Variants in CDK17 observed in about 807,000 individuals in gnomAD.
CDK17 encodes the protein cyclin dependent kinase 17, also known as cyclin-dependent kinase 17.
A neutral mutation model predicts 77.6 loss-of-function variants in CDK17; 24 were observed. That is an observed-to-expected ratio of 0.31 (90% CI 0.22 to 0.44). The LOEUF (loss-of-function observed/expected upper bound fraction) is 0.44, where lower values mean the gene tolerates loss of function less well. CDK17 is among the 20% of genes least tolerant of loss of function. CDK17 has a pLI of 1.00. For synonymous variants in CDK17, 203 were observed against 210.4 expected (o/e 0.96, Z 0.30); for missense variants, 429 against 622.5 (o/e 0.69, Z 3.31).
At chr12:96,326,331 C>T (rs535966018) in intron 2 of CDK17, among the ~76,000 whole-genome samples, 20 of 152,182 alleles carry the variant, frequency 1.3e-4, no homozygotes, top group Non-Finnish European at 2.6e-4. Flanking sequence ...GACACACACA[C>T]GAAGTCAGGT....
chr12:96,351,284 A>G (rs972194539), intron 1 of CDK17, among the ~76,000 whole-genome samples: 1 of 149,986 alleles, frequency 6.7e-6, no homozygotes, highest in Non-Finnish European at 1.5e-5. Flanking sequence ...CAGAATAATC[A>G]TATGACCCAG....
At chr12:96,323,364 G>C (rs1341671957) in intron 3 of CDK17, among the ~76,000 whole-genome samples, 1 of 152,092 alleles carries the variant, frequency 6.6e-6, no homozygotes, top group East Asian at 1.9e-4. Flanking sequence ...GCTGAGGTGG[G>C]AGGATCATTT....
Position 96,400,065 on chromosome 12 carries a change from G to A in CDK17, c.-109C>T. ...AAGCTGCTCCGCGGACGCCCGCGGC[G>A]ACCGGATGCAAGTCCGGGTCTCAGC... On this transcript the variant is annotated 5_prime_UTR_variant, in exon 1 of 17. Transcript: ENST00000261211. The A allele has an allele frequency of 2.6e-6, 1 of 389,168 alleles. No individual in the cohort carries two copies. Among genetic ancestry groups the A allele is most frequent in the Non-Finnish European group, 4.5e-6 (1 of 220,252 alleles). 24.1% of individuals were successfully genotyped at this position (389,168 alleles called of 1,614,324 possible).
intron 1 of CDK17, among the ~76,000 whole-genome samples, chr12:96,398,455 A>G (rs1954206844): frequency 6.6e-6 from 1 of 152,216 alleles, no homozygotes; most frequent in African/African-American, 2.4e-5. Context: ...CTTAAAATCT[A>G]GTTTCGTCTT....
At chr12:96,332,471 T>C (rs1427935104) in intron 2 of CDK17, among the ~76,000 whole-genome samples, 2 of 152,246 alleles carry the variant, frequency 1.3e-5, no homozygotes, top group African/African-American at 4.8e-5. Context: ...GCATGGACTG[T>C]GTCTGTGTAT....
chr12:96,283,092 A>G (rs1378434735), intron 14 of CDK17, among the ~76,000 whole-genome samples: 1 of 152,152 alleles, frequency 6.6e-6, no homozygotes, highest in Non-Finnish European at 1.5e-5. Context: ...AATTATGACA[A>G]TTCTGCTCCC....
At chr12:96,382,425 A>T (rs957270962) in intron 1 of CDK17, among the ~76,000 whole-genome samples, 15 of 151,962 alleles carry the variant, frequency 9.9e-5, no homozygotes, top group Admixed American at 2.6e-4. Context: ...GCCGAATTCT[A>T]CCAAACGTAT....
At chr12:96,349,750 G>A (rs902018597) in intron 1 of CDK17, among the ~76,000 whole-genome samples, 8 of 152,230 alleles carry the variant, frequency 5.3e-5, no homozygotes, top group South Asian at 2.1e-4. Flanking sequence ...ATTCAATACC[G>A]TGCTGGAAGT....
intron 1 of CDK17, among the ~76,000 whole-genome samples, chr12:96,371,517 G>A (rs1006377184): frequency 1.3e-5 from 2 of 152,166 alleles, no homozygotes; most frequent in Admixed American, 1.3e-4. Flanking sequence ...TTTCAGCAGG[G>A]CACAGTGGCT....
At position 96,297,255 on chromosome 12, in the gene CDK17, C is replaced by A. The variant is rs775016188; in HGVS notation, c.873+15G>T. ...TTAAACAAAATTTAAAAATTACACA[C>A]GCAAGAAAACATACCTTTACGTTGT... On this transcript the variant is annotated intron_variant, in intron 9 of 16. Coordinates refer to ENST00000261211, the MANE Select transcript of CDK17 (RefSeq NM_002595.5). The A allele has an allele frequency of 1.9e-6, 3 of 1,573,024 alleles. No individual in the cohort carries two copies. The highest frequency in any genetic ancestry group is 2.7e-5 in the African/African-American group (2 of 74,070).
At chr12:96,369,682 G>C (rs138914231) in intron 1 of CDK17, among the ~76,000 whole-genome samples, 1 of 152,204 alleles carries the variant, frequency 6.6e-6, no homozygotes, top group Non-Finnish European at 1.5e-5. Context: ...TGGTGGCTGA[G>C]GCATGAGAAT....
intron 1 of CDK17, among the ~76,000 whole-genome samples, 154 bp downstream of exon 1, chr12:96,399,832 G>A (rs1238620791): frequency 6.6e-6 from 1 of 151,726 alleles, no homozygotes; most frequent in Non-Finnish European, 1.5e-5. Flanking sequence ...CTAGCCCCCC[G>A]CGCCGCGCCT....
At position 96,298,943 on chromosome 12, in the gene CDK17, G is replaced by A. The variant is rs764448325; in HGVS notation, c.641C>T (p.Thr214Ile). ...CTCTTTTAATGCCACCAAATTCTCT[G>A]TCAATTTACTTCTTCCTTTATATAC... ...ATVYKGRSKL[T>I]ENLVALKEIR... Residue 214 changes from threonine to isoleucine, a missense_variant, in exon 7 of 17, where the codon ACA becomes ATA. Coordinates refer to ENST00000261211, the MANE Select transcript of CDK17 (RefSeq NM_002595.5). The A allele has an allele frequency of 6.2e-7, 1 of 1,608,218 alleles. No homozygotes were observed. Among genetic ancestry groups the A allele is most frequent in the Non-Finnish European group, 8.5e-7 (1 of 1,175,072 alleles).
chr12:96,301,123 A>G (rs1259754099), intron 5 of CDK17, among the ~76,000 whole-genome samples: 1 of 152,086 alleles, frequency 6.6e-6, no homozygotes, highest in East Asian at 1.9e-4. Flanking sequence ...AGGCTTTCCA[A>G]TCAAAATACA....
intron 3 of CDK17, among the ~76,000 whole-genome samples, chr12:96,322,800 T>G (rs1210558127): frequency 1.3e-5 from 2 of 152,246 alleles, no homozygotes; most frequent in Non-Finnish European, 1.5e-5. Flanking sequence ...ATTTGTAAAC[T>G]TATATAATTT....
intron 2 of CDK17, among the ~76,000 whole-genome samples, chr12:96,332,924 G>A (rs1952992014): frequency 6.6e-6 from 1 of 152,064 alleles, no homozygotes; most frequent in African/African-American, 2.4e-5. Context: ...TATGCAATTG[G>A]TCTAAAATAT....
At chr12:96,376,333 G>C (rs1953781955) in intron 1 of CDK17, among the ~76,000 whole-genome samples, 1 of 152,144 alleles carries the variant, frequency 6.6e-6, no homozygotes, top group Non-Finnish European at 1.5e-5. Flanking sequence ...ATTATATCAT[G>C]ATCCTCACCT....
chr12:96,364,710 A>G (rs1953555536), intron 1 of CDK17, among the ~76,000 whole-genome samples: 1 of 152,236 alleles, frequency 6.6e-6, no homozygotes, highest in Admixed American at 6.5e-5. Context: ...AATCACTTCC[A>G]TAGGCTTGCT....
At chr12:96,395,734 G>A (rs1954157701) in intron 1 of CDK17, among the ~76,000 whole-genome samples, 1 of 152,176 alleles carries the variant, frequency 6.6e-6, no homozygotes, top group Non-Finnish European at 1.5e-5. Context: ...TAGGTCCTAA[G>A]AGTGAGACCC....
Sources: gnomAD v4.1 joint callset for allele counts (sites outside exome capture counted in the v4.1 genomes callset) on GRCh38, gnomAD v4.1.1 for gene constraint, MANE v1.5 for transcripts, NCBI Gene and HGNC (gene_info 2026-07-23, HGNC 2026-07-21) for gene names.